EFCAB6: variants seen among roughly 807,000 people sequenced by gnomAD.
EFCAB6 encodes the protein EF-hand calcium-binding domain-containing protein 6.
A neutral mutation model predicts 169.8 loss-of-function variants in EFCAB6; 156 were observed. The ratio of observed to expected loss-of-function variants is 0.92; its 90% CI spans 0.81 to 1.05. The LOEUF is 1.05. Ranked by LOEUF, EFCAB6 falls within the 50% of genes least tolerant of loss-of-function variation. The probability of loss-of-function intolerance (pLI) is 0.00; values close to 1 mark genes in which losing one functional copy is unlikely to be tolerated. For synonymous variants in EFCAB6, 698 were observed against 676.4 expected (o/e 1.03, Z -0.50); for missense variants, 1,800 against 1,829.1 (o/e 0.98, Z 0.29).
At chr22:43,566,116 C>T (rs916474538) in intron 26 of EFCAB6, among the ~76,000 whole-genome samples, 4 of 152,176 alleles carry the variant, frequency 2.6e-5, no homozygotes, top group Admixed American at 6.5e-5. Context: ...AAGAAACGGA[C>T]GCTGGCCTCC....
chr22:43,610,891 A>G (rs1347641443), intron 21 of EFCAB6, among the ~76,000 whole-genome samples: 1 of 152,248 alleles, frequency 6.6e-6, no homozygotes, highest in East Asian at 1.9e-4. Context: ...TTTTTAAATC[A>G]TAAGACAAGT....
At chr22:43,590,961 G>T (rs1368152616) in intron 23 of EFCAB6, among the ~76,000 whole-genome samples, 1 of 152,028 alleles carries the variant, frequency 6.6e-6, no homozygotes, top group Non-Finnish European at 1.5e-5. Context: ...GAGTGCCAGA[G>T]ACCCCATTTT....
intron 2 of EFCAB6, among the ~76,000 whole-genome samples, chr22:43,788,120 CA>C (rs1248708319): frequency 6.6e-6 from 1 of 152,092 alleles, no homozygotes; most frequent in Non-Finnish European, 1.5e-5. Flanking sequence ...ACTAAAACTA[CA>C]GAATTCCTAG....
chr22:43,590,725 A>G, intron 23 of EFCAB6, among the ~76,000 whole-genome samples: 1 of 150,782 alleles, frequency 6.6e-6, no homozygotes, highest in African/African-American at 2.5e-5. Context: ...GCACGGTGGG[A>G]CAGTAGGTTT....
chr22:43,590,348 T>G lies in EFCAB6; in HGVS notation c.2877-119A>C, dbSNP rs1017406643. 5.0e-6 allele frequency: 6 copies of G among 1,196,966 alleles called. No homozygotes were observed. In the Middle Eastern group the frequency reaches 1.1e-3, roughly 210 times the overall value. The allele number at this position is 1,196,966 out of a possible 1,614,324, so 74.1% of individuals were successfully genotyped here. A position where few individuals can be genotyped will look rare whatever the true frequency, so the allele number is the denominator to read the frequency against. On this transcript the variant is annotated intron_variant, in intron 23 of 31. Transcript: ENST00000262726. The stretch of plus-strand genomic sequence containing the variant: ...CTGATGGCTCATCTAAGAACTAATT[T>G]TGAAGATGTTTTACAGCCTCAGTGT...
intron 6 of EFCAB6, among the ~76,000 whole-genome samples, chr22:43,748,701 C>T (rs2060650792): frequency 6.6e-6 from 1 of 152,182 alleles, no homozygotes; most frequent in South Asian, 2.1e-4. Flanking sequence ...AAGGTGCCTG[C>T]TCCCACAGAA....
chr22:43,730,025 ATGGTGG>A (rs1411687279), intron 8 of EFCAB6, among the ~76,000 whole-genome samples: 3 of 149,992 alleles, frequency 2.0e-5, no homozygotes, highest in African/African-American at 7.4e-5. Context: ...TTAGCCAGGC[ATGGTGG>A]TGCATGCCTG....
intron 13 of EFCAB6, 80 bp downstream of exon 13, chr22:43,677,916 T>G (rs2057834726): frequency 2.1e-6 from 3 of 1,396,570 alleles, no homozygotes; most frequent in South Asian, 2.8e-5. Flanking sequence ...AAACCATATT[T>G]CACTTGCATC....
chr22:43,603,406 A>C (rs554306352), intron 22 of EFCAB6, among the ~76,000 whole-genome samples: 1 of 152,366 alleles, frequency 6.6e-6, no homozygotes, highest in South Asian at 2.1e-4. Context: ...TAGATGTGCC[A>C]GGAAAAAGTG....
chr22:43,676,112 C>A (rs2057744515), intron 13 of EFCAB6, among the ~76,000 whole-genome samples: 1 of 151,784 alleles, frequency 6.6e-6, no homozygotes, highest in Non-Finnish European at 1.5e-5. Flanking sequence ...ATGGAATATA[C>A]AAAGTCATAC....
chr22:43,735,321 CCCT>C (rs895796142), intron 7 of EFCAB6, among the ~76,000 whole-genome samples: 2 of 148,630 alleles, frequency 1.3e-5, no homozygotes, highest in African/African-American at 4.9e-5. Context: ...GCACACCCCA[CCCT>C]CCTGCCGCAC....
At chr22:43,587,284 G>C (rs2051141399) in intron 24 of EFCAB6, among the ~76,000 whole-genome samples, 1 of 152,150 alleles carries the variant, frequency 6.6e-6, no homozygotes, top group Admixed American at 6.5e-5. Flanking sequence ...AAGGTAGGGA[G>C]GGTTCTTAAT....
chr22:43,695,024 A>G (rs2147215175), intron 10 of EFCAB6, among the ~76,000 whole-genome samples: 1 of 152,178 alleles, frequency 6.6e-6, no homozygotes, highest in Admixed American at 6.5e-5. Flanking sequence ...TAAGGCTAGA[A>G]AACAAAATAA....
At chr22:43,695,009 T>C (rs1422870328) in intron 10 of EFCAB6, among the ~76,000 whole-genome samples, 1 of 151,954 alleles carries the variant, frequency 6.6e-6, no homozygotes, top group Non-Finnish European at 1.5e-5. Flanking sequence ...TCATAGCCAG[T>C]AAAATAAGGC....
At chr22:43,763,449 C>T (rs1382575312) in intron 5 of EFCAB6, among the ~76,000 whole-genome samples, 1 of 152,028 alleles carries the variant, frequency 6.6e-6, no homozygotes, top group East Asian at 1.9e-4. Context: ...ATCTCTAGAA[C>T]ATTTTTATCT....
chr22:43,569,653 C>A (rs544192814), intron 26 of EFCAB6, among the ~76,000 whole-genome samples: 200 of 152,350 alleles, frequency 1.3e-3, no homozygotes, highest in Non-Finnish European at 2.1e-3. Context: ...GCAGCCCCTG[C>A]ACCCTGGCCT....
chr22:43,625,344 T>A (rs4997741), intron 20 of EFCAB6, among the ~76,000 whole-genome samples: 35,123 of 152,076 alleles, frequency 0.23, 5,277 homozygotes, highest in East Asian at 0.62. Flanking sequence ...TATCATCACA[T>A]GGGAAGACAC....
intron 26 of EFCAB6, 22 bp from the exon 27 acceptor site, chr22:43,555,118 T>C: frequency 6.2e-7 from 1 of 1,612,768 alleles, no homozygotes; most frequent in South Asian, 1.1e-5. Flanking sequence ...AGAATGGAAA[T>C]TGATCCATGT....
chr22:43,703,518 G>T (rs2147294010), intron 10 of EFCAB6, among the ~76,000 whole-genome samples: 1 of 152,016 alleles, frequency 6.6e-6, no homozygotes, highest in African/African-American at 2.4e-5. Context: ...AAGAAAGGAA[G>T]ATGTATTAAA....
Sources: gnomAD v4.1 joint callset for allele counts (sites outside exome capture counted in the v4.1 genomes callset) on GRCh38, gnomAD v4.1.1 for gene constraint, MANE v1.5 for transcripts, NCBI Gene and HGNC (gene_info 2026-07-23, HGNC 2026-07-21) for gene names.